Variants in NKAIN2 observed in about 807,000 individuals in gnomAD.
NKAIN2 encodes the protein sodium/potassium-transporting ATPase subunit beta-1-interacting protein 2.
Under a neutral mutation model 32.6 loss-of-function variants are expected in NKAIN2, and 14 were observed. The ratio of observed to expected loss-of-function variants is 0.43; its 90% CI spans 0.28 to 0.67. The LOEUF (loss-of-function observed/expected upper bound fraction) is 0.67, where lower values mean the gene tolerates loss of function less well. NKAIN2 is among the 30% of genes least tolerant of loss of function. NKAIN2 has a pLI of 0.17. For synonymous variants in NKAIN2, 80 were observed against 87.2 expected (o/e 0.92, Z 0.46); for missense variants, 198 against 258.3 (o/e 0.77, Z 1.60).
intron 2 of NKAIN2, among the ~76,000 whole-genome samples, chr6:124,328,800 G>T (rs1303168797): frequency 6.6e-6 from 1 of 152,162 alleles, no homozygotes; most frequent in Non-Finnish European, 1.5e-5. Flanking sequence ...ATTGAATGAA[G>T]AAACTTCCTT....
chr6:124,026,283 T>C (rs1781107759), intron 1 of NKAIN2, among the ~76,000 whole-genome samples: 1 of 152,260 alleles, frequency 6.6e-6, no homozygotes, highest in South Asian at 2.1e-4. Context: ...ACCCTGGCAA[T>C]GAGTAAGGAA....
intron 1 of NKAIN2, among the ~76,000 whole-genome samples, chr6:124,005,269 C>T (rs1780032474): frequency 6.6e-6 from 1 of 152,040 alleles, no homozygotes; most frequent in African/African-American, 2.4e-5. Flanking sequence ...AAAACCCTAT[C>T]ATTTCCAATT....
chr6:124,610,666 CT>C (rs1462670023), intron 3 of NKAIN2, among the ~76,000 whole-genome samples: 1 of 152,066 alleles, frequency 6.6e-6, no homozygotes, highest in Non-Finnish European at 1.5e-5. Flanking sequence ...TCATTATGTC[CT>C]TATGTCTCAA....
intron 3 of NKAIN2, among the ~76,000 whole-genome samples, chr6:124,417,117 G>T (rs1162859235): frequency 6.6e-6 from 1 of 152,190 alleles, no homozygotes; most frequent in Non-Finnish European, 1.5e-5. Context: ...TATGAGAAAA[G>T]ATGATAAATA....
In NKAIN2 at chr6:124,721,756, A is replaced by T. The variant is rs7741676; in HGVS notation, c.474+63370A>T. Among the ~76,000 whole-genome samples, 6 of 152,240 alleles carry T rather than the reference A, an allele frequency of 3.9e-5. No homozygotes were observed. The East Asian group carries it at 1.2e-3, about 29-fold the overall frequency. ...AACAGTGGCAATGGCCCGTTCACCCATTGGTGCCTCAATGTACTGTCACCA... is the reference window on the plus strand; with the variant it reads ...AACAGTGGCAATGGCCCGTTCACCCTTTGGTGCCTCAATGTACTGTCACCA... On this transcript the variant is annotated intron_variant, in intron 4 of 6. Transcript: ENST00000368417.
intron 1 of NKAIN2, among the ~76,000 whole-genome samples, chr6:124,110,731 C>CT (rs2114969176): frequency 6.6e-6 from 1 of 152,232 alleles, no homozygotes; most frequent in South Asian, 2.1e-4. Context: ...TGATTTCATT[C>CT]TTTTTCATGG....
At position 124,739,137 on chromosome 6, in the gene NKAIN2, A is replaced by T. The variant is rs140289083; in HGVS notation, c.475-52202A>T. Among the ~76,000 whole-genome samples the T allele has an allele frequency of 2.0e-3, 305 of 152,018 alleles. 1 individual carries two copies. Among genetic ancestry groups the T allele is most frequent in the African/African-American group, 7.0e-3 (292 of 41,532 alleles). ...TATTACTGTTACTTTTTAAATATTC[A>T]AAGTTGATTCTAATGATCTAATGCC... On this transcript the variant is annotated intron_variant, in intron 4 of 6. Coordinates refer to ENST00000368417, the MANE Select transcript of NKAIN2 (RefSeq NM_001040214.3).
chr6:124,095,275 A>G (rs775149027), intron 1 of NKAIN2, among the ~76,000 whole-genome samples: 1 of 152,136 alleles, frequency 6.6e-6, no homozygotes, highest in Non-Finnish European at 1.5e-5. Context: ...ATCTAATTTC[A>G]TAAATACTGG....
intron 3 of NKAIN2, among the ~76,000 whole-genome samples, chr6:124,470,583 T>C (rs1287084275): frequency 2.0e-5 from 3 of 152,034 alleles, no homozygotes; most frequent in Non-Finnish European, 4.4e-5. Context: ...TACAAAGAAA[T>C]AGTAAATCAG....
chr6:123,925,144 T>C (rs922183484), intron 1 of NKAIN2, among the ~76,000 whole-genome samples: 1 of 152,190 alleles, frequency 6.6e-6, no homozygotes, highest in African/African-American at 2.4e-5. Flanking sequence ...AATGTGCTTA[T>C]ATGAAGTACA....
chr6:124,785,250 C>T (rs1234429444), intron 4 of NKAIN2, among the ~76,000 whole-genome samples: 2 of 152,032 alleles, frequency 1.3e-5, no homozygotes, highest in East Asian at 3.9e-4. Context: ...TTGGTTCTTC[C>T]TTATATATTC....
At chr6:124,148,280 C>T (rs1787522109) in intron 1 of NKAIN2, among the ~76,000 whole-genome samples, 1 of 124,476 alleles carries the variant, frequency 8.0e-6, no homozygotes, top group African/African-American at 2.9e-5. Context: ...AAAATCAATT[C>T]TTTTTAACTT....
chr6:124,014,388 C>G (rs1780473458), intron 1 of NKAIN2, among the ~76,000 whole-genome samples: 1 of 151,964 alleles, frequency 6.6e-6, no homozygotes, highest in East Asian at 1.9e-4. Context: ...TTGGCAGCAT[C>G]TTTCTATGTC....
chr6:123,868,360 T>C (rs1323506322), intron 1 of NKAIN2, among the ~76,000 whole-genome samples: 2 of 152,198 alleles, frequency 1.3e-5, no homozygotes, highest in South Asian at 2.1e-4. Context: ...CTGGGACATA[T>C]GTATGCATAA....
At chr6:123,919,137 A>C (rs1211289012) in intron 1 of NKAIN2, among the ~76,000 whole-genome samples, 1 of 152,116 alleles carries the variant, frequency 6.6e-6, no homozygotes, top group Non-Finnish European at 1.5e-5. Context: ...TGTAATAAAC[A>C]ATATTGTATG....
At chr6:124,397,691 G>A (rs1192667921) in intron 3 of NKAIN2, among the ~76,000 whole-genome samples, 1 of 151,980 alleles carries the variant, frequency 6.6e-6, no homozygotes, top group Non-Finnish European at 1.5e-5. Flanking sequence ...GTTTTCTCAT[G>A]GAAATTTGTC....
intron 2 of NKAIN2, among the ~76,000 whole-genome samples, chr6:124,341,174 T>C (rs1798099709): frequency 6.6e-6 from 1 of 152,080 alleles, no homozygotes; most frequent in Non-Finnish European, 1.5e-5. Flanking sequence ...TTTTGCAAAA[T>C]GGAAATTTCT....
At chr6:124,805,118 G>C (rs1162799471) in intron 5 of NKAIN2, among the ~76,000 whole-genome samples, 1 of 152,198 alleles carries the variant, frequency 6.6e-6, no homozygotes, top group African/African-American at 2.4e-5. Context: ...GTCCCTGTCT[G>C]ACAGCTTTGA....
At chr6:124,301,431 G>A (rs1796288747) in intron 2 of NKAIN2, among the ~76,000 whole-genome samples, 1 of 152,168 alleles carries the variant, frequency 6.6e-6, no homozygotes, top group African/African-American at 2.4e-5. Flanking sequence ...CCCCTACATT[G>A]TCCCCACTGG....
Sources: gnomAD v4.1 joint callset for allele counts (sites outside exome capture counted in the v4.1 genomes callset) on GRCh38, gnomAD v4.1.1 for gene constraint, MANE v1.5 for transcripts, NCBI Gene and HGNC (gene_info 2026-07-23, HGNC 2026-07-21) for gene names.